PDE3A: variants seen among roughly 807,000 people sequenced by gnomAD.
PDE3A encodes the protein phosphodiesterase 3A.
Under a neutral mutation model 98.3 loss-of-function variants are expected in PDE3A, and 43 were observed. The ratio of observed to expected loss-of-function variants is 0.44; its 90% CI spans 0.34 to 0.56. PDE3A has a LOEUF of 0.56. Ranked by LOEUF, PDE3A falls within the 20% of genes least tolerant of loss-of-function variation. The pLI, the probability that PDE3A is intolerant of heterozygous loss-of-function variation, is 0.01. For synonymous variants in PDE3A, 663 were observed against 567.9 expected, an observed-to-expected ratio of 1.17 and a Z score of -2.38; for missense variants, 1,427 against 1,440.7, an observed-to-expected ratio of 0.99 and a Z score of 0.15.
intron 1 of PDE3A, among the ~76,000 whole-genome samples, chr12:20,512,092 A>G (rs985983854): frequency 6.6e-6 from 1 of 152,112 alleles, no homozygotes; most frequent in Non-Finnish European, 1.5e-5. Flanking sequence ...CAAATGTATT[A>G]TAACATCCTA....
intron 1 of PDE3A, among the ~76,000 whole-genome samples, chr12:20,457,014 T>C (rs1305832293): frequency 1.3e-5 from 2 of 152,112 alleles, no homozygotes; most frequent in Non-Finnish European, 2.9e-5. Context: ...AGTCCTTTTT[T>C]ATACAGTCAA....
intron 2 of PDE3A, among the ~76,000 whole-genome samples, chr12:20,560,080 T>G (rs1251260370): frequency 6.6e-6 from 1 of 152,074 alleles, no homozygotes. Flanking sequence ...AGATGAAAGA[T>G]GATGACTTCA....
At chr12:20,457,394 T>G (rs1945170983) in intron 1 of PDE3A, among the ~76,000 whole-genome samples, 1 of 151,906 alleles carries the variant, frequency 6.6e-6, no homozygotes, top group African/African-American at 2.4e-5. Flanking sequence ...ACTTGTAGTA[T>G]TTCACTTATG....
chr12:20,676,166 G>T (rs1350914730), intron 15 of PDE3A, among the ~76,000 whole-genome samples: 1 of 152,052 alleles, frequency 6.6e-6, no homozygotes, highest in Non-Finnish European at 1.5e-5. Context: ...CTCTACCAGT[G>T]GGTTTTATAC....
chr12:20,548,615 A>G (rs1369886626), intron 1 of PDE3A, among the ~76,000 whole-genome samples: 8 of 152,128 alleles, frequency 5.3e-5, no homozygotes, highest in Admixed American at 5.2e-4. Context: ...AAAGAGTATC[A>G]TATCATCTTA....
At chr12:20,615,174 A>AATT (rs1943974302) in intron 3 of PDE3A, among the ~76,000 whole-genome samples, 1 of 151,726 alleles carries the variant, frequency 6.6e-6, no homozygotes, top group Admixed American at 6.6e-5. Context: ...AAAGTGTTGG[A>AATT]ATTACAGGCG....
At chr12:20,411,539 T>C (rs1944332603) in intron 1 of PDE3A, among the ~76,000 whole-genome samples, 1 of 152,096 alleles carries the variant, frequency 6.6e-6, no homozygotes, top group South Asian at 2.1e-4. Flanking sequence ...CCTATCTTTA[T>C]GCTGTCGCTG....
intron 9 of PDE3A, 99 bp downstream of exon 9, chr12:20,637,336 ATG>A: frequency 1.2e-6 from 1 of 813,306 alleles, no homozygotes; most frequent in Non-Finnish European, 1.8e-6. Context: ...GATAGGTGTT[ATG>A]TGGAGAAAGG....
intron 6 of PDE3A, 112 bp downstream of exon 6, chr12:20,630,239 C>T: frequency 2.8e-6 from 2 of 724,416 alleles, no homozygotes; most frequent in South Asian, 3.2e-5. Context: ...AAGTATTAGA[C>T]AACCAAGTAT....
At chr12:20,543,840 G>A (rs1941985090) in intron 1 of PDE3A, among the ~76,000 whole-genome samples, 1 of 151,876 alleles carries the variant, frequency 6.6e-6, no homozygotes, top group South Asian at 2.1e-4. Flanking sequence ...TATGTACCAG[G>A]TATATAAGGC....
At chr12:20,501,326 A>G (rs1010371421) in intron 1 of PDE3A, among the ~76,000 whole-genome samples, 7 of 152,208 alleles carry the variant, frequency 4.6e-5, no homozygotes, top group Non-Finnish European at 8.8e-5. Flanking sequence ...AAGTCTCTAC[A>G]GCACCGTAAT....
chr12:20,386,554 T>G (rs1943811785), intron 1 of PDE3A, among the ~76,000 whole-genome samples: 1 of 151,756 alleles, frequency 6.6e-6, no homozygotes, highest in Admixed American at 6.6e-5. Context: ...TTGGCCAGAC[T>G]GGTCTCCGTC....
chr12:20,550,922 T>C (rs1942182180), intron 1 of PDE3A, among the ~76,000 whole-genome samples: 1 of 151,644 alleles, frequency 6.6e-6, no homozygotes, highest in South Asian at 2.1e-4. Flanking sequence ...ACATTATAGT[T>C]ACTGGATTTT....
chr12:20,675,452 C>A (rs773145212), intron 15 of PDE3A, among the ~76,000 whole-genome samples: 2 of 152,040 alleles, frequency 1.3e-5, no homozygotes, highest in Admixed American at 6.5e-5. Context: ...TTAAATCCAA[C>A]GTTTATTTAT....
intron 2 of PDE3A, among the ~76,000 whole-genome samples, chr12:20,590,190 A>AT (rs1943302958): frequency 6.6e-6 from 1 of 152,044 alleles, no homozygotes; most frequent in African/African-American, 2.4e-5. Flanking sequence ...CCAAATGTAA[A>AT]TAGTGGAACT....
At chr12:20,504,433 T>G (rs1445284281) in intron 1 of PDE3A, among the ~76,000 whole-genome samples, 2 of 152,192 alleles carry the variant, frequency 1.3e-5, no homozygotes, top group East Asian at 3.8e-4. Flanking sequence ...CTAAGATGAC[T>G]GTATTAGTTA....
chr12:20,370,404 TTTTTGTTTTTTTTTTTTTG>T (rs895290357), intron 1 of PDE3A, 160 bp downstream of exon 1: 3 of 473,290 alleles, frequency 6.3e-6, no homozygotes, highest in South Asian at 7.3e-5. Flanking sequence ...TTTTTTGTTT[TTTTTGTTTTTTTTTTTTTG>T]TTTTTTTGCC....
intron 1 of PDE3A, among the ~76,000 whole-genome samples, chr12:20,516,150 C>T (rs1003927862): frequency 1.3e-5 from 2 of 151,794 alleles, no homozygotes; most frequent in East Asian, 1.9e-4. Flanking sequence ...ATAATTATTA[C>T]GGAAATGTGA....
intron 1 of PDE3A, among the ~76,000 whole-genome samples, chr12:20,521,619 T>G (rs1315880237): frequency 6.6e-6 from 1 of 152,216 alleles, no homozygotes; most frequent in East Asian, 1.9e-4. Flanking sequence ...AATCAAATGC[T>G]CATGGAAATG....
Sources: gnomAD v4.1 joint callset for allele counts (sites outside exome capture counted in the v4.1 genomes callset) on GRCh38, gnomAD v4.1.1 for gene constraint, MANE v1.5 for transcripts, NCBI Gene and HGNC (gene_info 2026-07-23, HGNC 2026-07-21) for gene names.